AGPS: variants seen among roughly 807,000 people sequenced by gnomAD.
AGPS encodes the protein alkylglycerone phosphate synthase.
A neutral mutation model predicts 90.7 loss-of-function variants in AGPS; 26 were observed. The observed-to-expected ratio is 0.29, with a 90% CI of 0.21 to 0.40. AGPS has a LOEUF of 0.40. Ranked by LOEUF, AGPS falls within the 10% of genes least tolerant of loss-of-function variation. The pLI, the probability that AGPS is intolerant of heterozygous loss-of-function variation, is 1.00. For synonymous variants in AGPS, 294 were observed against 285.3 expected (o/e 1.03, Z -0.31); for missense variants, 540 against 816.1 (o/e 0.66, Z 4.12).
At chr2:177,427,025 TC>T (rs1274076144) in intron 2 of AGPS, among the ~76,000 whole-genome samples, 16 of 152,206 alleles carry the variant, frequency 1.1e-4, no homozygotes, top group Non-Finnish European at 1.8e-4. Flanking sequence ...TATTACTGTC[TC>T]ATTTTCAGAA....
At chr2:177,396,279 C>A (rs1207647414) in intron 1 of AGPS, among the ~76,000 whole-genome samples, 1 of 152,128 alleles carries the variant, frequency 6.6e-6, no homozygotes, top group Admixed American at 6.5e-5. Context: ...AGGGCAGTGG[C>A]AGGTCATGGA....
At chr2:177,492,146 T>C (rs73031241) in intron 11 of AGPS, among the ~76,000 whole-genome samples, 2,575 of 152,272 alleles carry the variant, frequency 0.017, 70 homozygotes, top group African/African-American at 0.057. Context: ...ATACTTGCCA[T>C]TGATAAAGGT....
In AGPS at chr2:177,507,695, C is replaced by G. The variant is rs375194629; in HGVS notation, c.1546-275C>G. Among the ~76,000 whole-genome samples the G allele has an allele frequency of 2.6e-5, 4 of 152,316 alleles. No individual in the cohort carries two copies. The East Asian group carries it at 7.7e-4, about 29-fold the overall frequency. On this transcript the variant is annotated intron_variant, in intron 15 of 19. Transcript: ENST00000264167. ...ACTGTTCCTGGATAGAAACTCCATT[C>G]ACTAAAGAAATAAATTTGAGTTCTT...
At chr2:177,442,354 T>C in intron 6 of AGPS, 53 bp from the exon 7 acceptor site, 9 of 1,362,044 alleles carry the variant, frequency 6.6e-6, no homozygotes, top group Non-Finnish European at 9.5e-6. Context: ...CATAGAAATA[T>C]AGCTAAAAAC....
At chr2:177,495,101 TTGAAA>T (rs1250801477) in intron 12 of AGPS, among the ~76,000 whole-genome samples, 2 of 152,208 alleles carry the variant, frequency 1.3e-5, no homozygotes, top group Non-Finnish European at 2.9e-5. Context: ...TTTTAGTATA[TTGAAA>T]TGATATATAT....
At chr2:177,463,428 TAA>T (rs1227572961) in intron 9 of AGPS, among the ~76,000 whole-genome samples, 1 of 152,202 alleles carries the variant, frequency 6.6e-6, no homozygotes, top group African/African-American at 2.4e-5. Flanking sequence ...CATAGTAGTT[TAA>T]AAGAACTTTA....
At chr2:177,514,309 CT>C (rs1688964493) in intron 17 of AGPS, among the ~76,000 whole-genome samples, 1 of 152,154 alleles carries the variant, frequency 6.6e-6, no homozygotes, top group Non-Finnish European at 1.5e-5. Flanking sequence ...GTAATTTAAT[CT>C]CTTCAAGCTC....
intron 1 of AGPS, among the ~76,000 whole-genome samples, chr2:177,398,548 A>G (rs1034950345): frequency 6.6e-6 from 1 of 152,188 alleles, no homozygotes; most frequent in African/African-American, 2.4e-5. Flanking sequence ...TCTTTCCTCT[A>G]TGCTGGATTA....
chr2:177,412,588 G>A (rs1247044119), intron 1 of AGPS, among the ~76,000 whole-genome samples: 1 of 152,150 alleles, frequency 6.6e-6, no homozygotes, highest in Non-Finnish European at 1.5e-5. Context: ...AGGAAGGATA[G>A]CAAGCGAAAG....
At chr2:177,463,734 G>T (rs1409516909) in intron 9 of AGPS, among the ~76,000 whole-genome samples, 1 of 152,020 alleles carries the variant, frequency 6.6e-6, no homozygotes, top group East Asian at 1.9e-4. Flanking sequence ...GTTTTGGGGA[G>T]AAAATTTGAT....
intron 17 of AGPS, among the ~76,000 whole-genome samples, chr2:177,518,769 T>C (rs1015039790): frequency 6.6e-6 from 1 of 151,090 alleles, no homozygotes; most frequent in Admixed American, 6.6e-5. Flanking sequence ...ATTGTCATTA[T>C]TCACTTTGTT....
intron 8 of AGPS, among the ~76,000 whole-genome samples, chr2:177,454,917 T>C (rs1173838915): frequency 2.0e-5 from 3 of 152,198 alleles, no homozygotes; most frequent in Non-Finnish European, 4.4e-5. Context: ...GCTGGCACTA[T>C]TCTCTAATCT....
Position 177,477,857 on chromosome 2 carries a change from A to T in AGPS, c.1106-4202A>T, listed in dbSNP as rs117147804. Among the ~76,000 whole-genome samples the T allele has an allele frequency of 2.7e-3, 418 of 152,300 alleles. 16 individuals carry two copies. In the East Asian group the frequency reaches 0.073, roughly 27 times the overall value. On this transcript the variant is annotated intron_variant, in intron 10 of 19. Transcript: ENST00000264167. ...TTATAGATCCAAAAATACATCATAT[A>T]TGTATTGTTTTATACCAATGCTTTT...
At chr2:177,532,423 C>A (rs947211426) in intron 19 of AGPS, among the ~76,000 whole-genome samples, 1 of 152,064 alleles carries the variant, frequency 6.6e-6, no homozygotes, top group African/African-American at 2.4e-5. Flanking sequence ...TCACTACACA[C>A]CTATCAGAAT....
At chr2:177,520,887 C>T (rs1689165762) in intron 17 of AGPS, among the ~76,000 whole-genome samples, 1 of 151,982 alleles carries the variant, frequency 6.6e-6, no homozygotes, top group South Asian at 2.1e-4. Flanking sequence ...TTCTAGATAA[C>T]AAAACAATAA....
intron 11 of AGPS, among the ~76,000 whole-genome samples, chr2:177,488,663 G>A (rs1688165455): frequency 6.6e-6 from 1 of 152,132 alleles, no homozygotes; most frequent in African/African-American, 2.4e-5. Context: ...TATAGCACAT[G>A]GAGTTTAGTA....
intron 9 of AGPS, among the ~76,000 whole-genome samples, chr2:177,467,091 A>C (rs981667884): frequency 9.0e-5 from 13 of 144,662 alleles, no homozygotes; most frequent in Non-Finnish European, 1.5e-4. Context: ...CACTGCAGCC[A>C]ATGTCTTTGC....
chr2:177,528,855 T>C (rs2079112450), intron 19 of AGPS, among the ~76,000 whole-genome samples: 1 of 138,524 alleles, frequency 7.2e-6, no homozygotes, highest in Non-Finnish European at 1.6e-5. Flanking sequence ...AATCCTTTTT[T>C]TTTTTTTTTT....
At chr2:177,436,665 T>C in intron 3 of AGPS, 99 bp from the exon 4 acceptor site, 1 of 1,228,154 alleles carries the variant, frequency 8.1e-7, no homozygotes, top group Non-Finnish European at 1.2e-6. Flanking sequence ...ACTTTGAATG[T>C]TTAAAAAAAA....
Sources: gnomAD v4.1 joint callset for allele counts (sites outside exome capture counted in the v4.1 genomes callset) on GRCh38, gnomAD v4.1.1 for gene constraint, MANE v1.5 for transcripts, NCBI Gene and HGNC (gene_info 2026-07-23, HGNC 2026-07-21) for gene names.